The following SEPTIN4 variants were observed in gnomAD, a reference collection of about 807,000 sequenced individuals.
SEPTIN4 encodes the protein septin-4.
SEPTIN4 carries 52 observed loss-of-function variants against 107.1 expected under a neutral mutation model. That is an observed-to-expected ratio of 0.49 (90% CI 0.39 to 0.61). SEPTIN4 has a LOEUF of 0.61. SEPTIN4 is among the 20% of genes least tolerant of loss of function. SEPTIN4 has a pLI of 0.00. For synonymous variants in SEPTIN4, 417 were observed against 467.0 expected, an observed-to-expected ratio of 0.89 and a Z score of 1.38; for missense variants, 1,048 against 1,243.5, an observed-to-expected ratio of 0.84 and a Z score of 2.36.
chr17:58,525,601 T>C, intron 6 of SEPTIN4, 94 bp downstream of exon 6: 2 of 1,147,722 alleles, frequency 1.7e-6, no homozygotes, highest in African/African-American at 1.5e-5. Flanking sequence ...AGGCCATGGT[T>C]TCCTGCATGT....
intron 3 of SEPTIN4, chr17:58,530,879 A>G (rs1435745478): frequency 6.6e-6 from 1 of 152,290 alleles, no homozygotes; most frequent in Non-Finnish European, 1.5e-5. Context: ...GAGAGACAAG[A>G]GCCCAAAAGG....
rs1030143495 is a variant in SEPTIN4 at position 58,524,865 on chromosome 17, C to T, written c.2216+213G>A. Reference sequence around the variant, plus strand: ...CCTACCCCATTATAGAATCATAGGGCAGAATTGGAAGGAACATTAAAAATC... The same window carrying T: ...CCTACCCCATTATAGAATCATAGGGTAGAATTGGAAGGAACATTAAAAATC... On this transcript the variant is annotated intron_variant, in intron 7 of 13. Coordinates refer to ENST00000672673, the MANE Select transcript of SEPTIN4 (RefSeq NM_001368771.2). The T allele has an allele frequency of 1.4e-5, 8 of 590,998 alleles. No homozygotes were observed. In the African/African-American group the frequency reaches 1.5e-4, roughly 11 times the overall value. 36.6% of individuals were successfully genotyped at this position (590,998 alleles called of 1,614,324 possible).
In SEPTIN4 at chr17:58,521,713, C is replaced by G; in HGVS notation, c.2469+23G>C. 3 of 1,614,262 alleles carry G rather than the reference C, an allele frequency of 1.9e-6. No homozygotes were observed. The highest frequency in any genetic ancestry group is 2.5e-6 in the Non-Finnish European group (3 of 1,180,054). ...CCTTTCTAGAAGCCCACCTGATCCC[C>G]TCCCACCACCAGCTTCCCTCACTTT... On this transcript the variant is annotated intron_variant, in intron 9 of 13. Coordinates refer to ENST00000672673, the MANE Select transcript of SEPTIN4 (RefSeq NM_001368771.2). The surrounding 1 kb of genome is among the most constrained non-coding windows in gnomAD (Gnocchi z 6.4).
At chr17:58,540,446 G>A (rs149222430) in intron 3 of SEPTIN4, among the ~76,000 whole-genome samples, 1 of 152,300 alleles carries the variant, frequency 6.6e-6, no homozygotes, top group African/African-American at 2.4e-5. Flanking sequence ...GGGGAGATGC[G>A]GTTCCACAGG....
In SEPTIN4 at chr17:58,542,676, G is replaced by A; in HGVS notation, c.1511C>T (p.Pro504Leu). Residue 504 changes from proline to leucine, a missense_variant, in exon 1 of 14, where the codon CCC (proline) becomes CTC (leucine). By Grantham distance (98) the Pro-to-Leu change is moderately conservative. This residue lies in a region of SEPTIN4 where 787 missense variants were observed against 871.8 expected (regional missense o/e 0.90). Transcript: ENST00000672673. Reference sequence around the variant, plus strand: ...AATGGGTTGTTTGCAGGTGTGCTTGGGGGTCTGTGGCACTTCACTCAGTGG... The same window carrying A: ...AATGGGTTGTTTGCAGGTGTGCTTGAGGGTCTGTGGCACTTCACTCAGTGG... ...WAPLSEVPQTPKHTCKQPIQR... is the reference protein window; with the variant it reads ...WAPLSEVPQTLKHTCKQPIQR... 1 of 1,614,126 alleles carries A rather than the reference G, an allele frequency of 6.2e-7. No homozygotes were observed. Among genetic ancestry groups the A allele is most frequent in the Non-Finnish European group, 8.5e-7 (1 of 1,180,024 alleles).
rs1004053893 is a variant in SEPTIN4 at position 58,538,584 on chromosome 17, C to T, written c.1614+2082G>A. 6.6e-6 allele frequency among the ~76,000 whole-genome samples: 1 copy of T among 152,098 alleles called. No homozygotes were observed. Among genetic ancestry groups the T allele is most frequent in the Admixed American group, 6.5e-5 (1 of 15,282 alleles). On this transcript the variant is annotated intron_variant, in intron 3 of 13. Coordinates refer to ENST00000672673, the MANE Select transcript of SEPTIN4 (RefSeq NM_001368771.2). This position sits in a 1 kb window ranked among gnomAD's most constrained non-coding sequence, Gnocchi z 4.7. ...TGTGAGAAGGCAGCCCCCAGTGACCCATTAGGGCACCCTCAGGACCTTCCT... is the reference window on the plus strand; with the variant it reads ...TGTGAGAAGGCAGCCCCCAGTGACCTATTAGGGCACCCTCAGGACCTTCCT...
intron 7 of SEPTIN4, chr17:58,524,841 C>A: frequency 2.0e-6 from 1 of 496,876 alleles, no homozygotes; most frequent in South Asian, 2.3e-5. Context: ...TCTTATGTCC[C>A]TACCCCATTA....
At chr17:58,534,576 G>C (rs1598312729) in intron 3 of SEPTIN4, among the ~76,000 whole-genome samples, 1 of 152,232 alleles carries the variant, frequency 6.6e-6, no homozygotes, top group African/African-American at 2.4e-5. Context: ...CTTCAGCATG[G>C]CTTAACTCTT....
At chr17:58,527,183 T>A (rs758298036) in intron 3 of SEPTIN4, 2 of 925,150 alleles carry the variant, frequency 2.2e-6, no homozygotes, top group South Asian at 1.3e-5. Context: ...CAATCCAATA[T>A]GCCAGGAAGG....
intron 7 of SEPTIN4, among the ~76,000 whole-genome samples, chr17:58,522,388 G>A (rs552993796): frequency 7.9e-5 from 12 of 152,166 alleles, no homozygotes; most frequent in Middle Eastern, 3.4e-3. Context: ...GGCTGGGCAC[G>A]GTGGCTTACC....
At chr17:58,539,266 G>T in intron 3 of SEPTIN4, 1 of 1,172,234 alleles carries the variant, frequency 8.5e-7, no homozygotes, top group Non-Finnish European at 1.2e-6. Context: ...CTGTTGCCAA[G>T]GCTTTTGACT....
intron 3 of SEPTIN4, chr17:58,529,047 G>A (rs1277407285): frequency 1.3e-6 from 2 of 1,581,932 alleles, no homozygotes; most frequent in Non-Finnish European, 1.7e-6. Context: ...CTGACTTTGA[G>A]CCCCAATCCC....
In SEPTIN4 at chr17:58,520,745, C is replaced by T. The variant is rs191011663; in HGVS notation, c.2929G>A (p.Glu977Lys). The T allele has an allele frequency of 4.9e-4, 798 of 1,614,134 alleles. 7 individuals are homozygous for T. In the Admixed American group the frequency reaches 0.012, roughly 25 times the overall value. Residue 977 changes from glutamate to lysine, a missense_variant and splice_region_variant, in exon 13 of 14, where the codon GAG becomes AAG. By Grantham distance (56) the Glu-to-Lys change is moderately conservative (BLOSUM62 1). Transcript: ENST00000672673. ...TEKLIREKDE[E>K]LRRMQEMLHK... ...CCTATACCCCATACTGCTCTCACCT[C>T]CTCATCTTTCTCTCGGATAAGCTTC... is the stretch of plus-strand genomic sequence containing the variant.
chr17:58,529,491 C>T, intron 3 of SEPTIN4: 8 of 1,257,758 alleles, frequency 6.4e-6, no homozygotes, highest in Non-Finnish European at 8.1e-6. Flanking sequence ...CGCCTGCCTG[C>T]TGCCTACCCT....
Position 58,527,008 on chromosome 17 carries a change from G to A in SEPTIN4, c.1615-30C>T, listed in dbSNP as rs763598797. The stretch of plus-strand genomic sequence containing the variant: ...GGGAAGCGGGGTGGGTAGAATAGAT[G>A]GGTGGTGCCGGGAAGGGAGCCGGAA... On this transcript the variant is annotated intron_variant, in intron 3 of 13. Coordinates refer to ENST00000672673, the MANE Select transcript of SEPTIN4 (RefSeq NM_001368771.2). The A allele has an allele frequency of 5.6e-6, 9 of 1,613,616 alleles. No individual in the cohort carries two copies. In the African/African-American group the frequency reaches 9.3e-5, roughly 17 times the overall value.
chr17:58,542,380 A>C (rs995798993), intron 1 of SEPTIN4, among the ~76,000 whole-genome samples: 2 of 152,184 alleles, frequency 1.3e-5, no homozygotes, highest in African/African-American at 4.8e-5. Flanking sequence ...AAAGGTAAGC[A>C]GTGTTGCCTG....
At chr17:58,535,436 A>G (rs562654003) in intron 3 of SEPTIN4, among the ~76,000 whole-genome samples, 1 of 152,164 alleles carries the variant, frequency 6.6e-6, no homozygotes, top group Non-Finnish European at 1.5e-5. Context: ...GTGACTACTC[A>G]CCAGATGTCT....
At chr17:58,531,862 G>A in intron 3 of SEPTIN4, 2 of 1,063,990 alleles carry the variant, frequency 1.9e-6, no homozygotes, top group Non-Finnish European at 2.3e-6. Flanking sequence ...GCACAGCCGC[G>A]GCTGCGGTGC....
At chr17:58,532,034 A>G in intron 3 of SEPTIN4, 1 of 1,125,548 alleles carries the variant, frequency 8.9e-7, no homozygotes. Context: ...CTGCGCGCCG[A>G]CCTCGCAGCA....
Sources: allele counts gnomAD v4.1 joint callset (sites outside exome capture counted in the v4.1 genomes callset), GRCh38; gene constraint gnomAD v4.1.1; regional missense constraint gnomAD v4.1.1; non-coding constraint Gnocchi (gnomAD v3.1); transcripts MANE v1.5; gene names NCBI Gene and HGNC (gene_info 2026-07-23, HGNC 2026-07-21).